Variants in NKAIN3 observed in about 807,000 individuals in gnomAD.
NKAIN3 encodes sodium/potassium-transporting ATPase subunit beta-1-interacting protein 3.
Under a neutral mutation model 30.2 loss-of-function variants are expected in NKAIN3, and 25 were observed. The observed-to-expected ratio is 0.83, with a 90% confidence interval of 0.60 to 1.16. NKAIN3 has a LOEUF of 1.16. NKAIN3 is among the 50% of genes most tolerant of loss of function. The pLI is 0.00. For synonymous variants in NKAIN3, 91 were observed against 89.6 expected (o/e 1.02, Z -0.09); for missense variants, 225 against 254.1 (o/e 0.89, Z 0.78).
At chr8:62,503,380 G>A (rs1179747526) in intron 1 of NKAIN3, among the ~76,000 whole-genome samples, 1 of 152,140 alleles carries the variant, frequency 6.6e-6, no homozygotes, top group Non-Finnish European at 1.5e-5. Flanking sequence ...TGCTTCTGAG[G>A]AAATAGGACC....
intron 4 of NKAIN3, among the ~76,000 whole-genome samples, chr8:62,914,760 T>C (rs373908650): frequency 2.0e-5 from 3 of 151,858 alleles, no homozygotes; most frequent in East Asian, 3.9e-4. Context: ...TTAAGTTTTT[T>C]GAGCAGTTAC....
intron 4 of NKAIN3, among the ~76,000 whole-genome samples, chr8:62,771,631 C>T (rs1057023358): frequency 6.6e-6 from 1 of 151,110 alleles, no homozygotes; most frequent in Non-Finnish European, 1.5e-5. Context: ...TGGCCCATAG[C>T]TTATCACATG....
intron 1 of NKAIN3, among the ~76,000 whole-genome samples, chr8:62,284,845 G>C (rs1813324415): frequency 6.6e-6 from 1 of 152,096 alleles, no homozygotes; most frequent in Admixed American, 6.6e-5. Context: ...AGGTGAACAA[G>C]AATTCCTGGG....
chr8:62,986,540 C>T (rs149502035), downstream of NKAIN3, among the ~76,000 whole-genome samples: 9 of 152,172 alleles, frequency 5.9e-5, no homozygotes, highest in East Asian at 1.9e-4. Context: ...ACATCAAGCA[C>T]GACACATATT....
chr8:62,764,760 A>T (rs1816779743), intron 4 of NKAIN3, among the ~76,000 whole-genome samples: 1 of 152,222 alleles, frequency 6.6e-6, no homozygotes, highest in South Asian at 2.1e-4. Flanking sequence ...CGTCTGCTTG[A>T]CAATGTCATA....
chr8:62,581,412 C>T (rs1810288832), intron 2 of NKAIN3, among the ~76,000 whole-genome samples: 1 of 152,150 alleles, frequency 6.6e-6, no homozygotes, highest in South Asian at 2.1e-4. Context: ...TAGATGGCTT[C>T]CAGAGAATGA....
intron 5 of NKAIN3, among the ~76,000 whole-genome samples, chr8:62,939,212 A>G: frequency 6.6e-6 from 1 of 152,226 alleles, no homozygotes; most frequent in East Asian, 1.9e-4. Flanking sequence ...CAAAGAAAAA[A>G]ATCAGAAAAA....
intron 3 of NKAIN3, among the ~76,000 whole-genome samples, chr8:62,738,456 G>A (rs1360571870): frequency 6.6e-6 from 1 of 151,800 alleles, no homozygotes; most frequent in African/African-American, 2.4e-5. Flanking sequence ...AAAATTAGCC[G>A]GGCATGGTGG....
intron 1 of NKAIN3, among the ~76,000 whole-genome samples, chr8:62,439,435 C>T (rs1805261724): frequency 6.6e-6 from 1 of 152,198 alleles, no homozygotes; most frequent in African/African-American, 2.4e-5. Flanking sequence ...CCAAATTTAG[C>T]AGGTGTTTGA....
chr8:62,506,232 G>GT (rs1417645409), intron 1 of NKAIN3, among the ~76,000 whole-genome samples: 3 of 147,690 alleles, frequency 2.0e-5, no homozygotes, highest in Non-Finnish European at 4.5e-5. Flanking sequence ...GAATATTGGG[G>GT]GGGGGGACAT....
chr8:62,876,470 C>A (rs1022575061), intron 4 of NKAIN3, among the ~76,000 whole-genome samples: 1 of 152,054 alleles, frequency 6.6e-6, no homozygotes, highest in African/African-American at 2.4e-5. Context: ...TGGGTATATA[C>A]CCAAAGTAAT....
intron 3 of NKAIN3, among the ~76,000 whole-genome samples, chr8:62,716,698 TATA>T: frequency 6.6e-6 from 1 of 151,362 alleles, no homozygotes; most frequent in East Asian, 1.9e-4. Context: ...CATTAATAGA[TATA>T]CAGAGTTTCT....
At chr8:62,259,087 G>A (rs1358742417) in intron 1 of NKAIN3, among the ~76,000 whole-genome samples, 2 of 152,128 alleles carry the variant, frequency 1.3e-5, no homozygotes, top group Admixed American at 6.5e-5. Flanking sequence ...CATGTTGAGA[G>A]TTGGCTGATT....
At chr8:62,890,951 A>T (rs1408260722) in intron 4 of NKAIN3, among the ~76,000 whole-genome samples, 3 of 152,186 alleles carry the variant, frequency 2.0e-5, no homozygotes, top group Non-Finnish European at 4.4e-5. Flanking sequence ...AGATGTCTGT[A>T]GTTTGCTGCA....
chr8:62,331,157 TC>T (rs796727794), intron 1 of NKAIN3, among the ~76,000 whole-genome samples: 13 of 135,796 alleles, frequency 9.6e-5, no homozygotes, highest in African/African-American at 5.4e-5. Context: ...CCCCTCTTCC[TC>T]CCCCCCAAAG....
intron 5 of NKAIN3, among the ~76,000 whole-genome samples, chr8:62,919,227 A>T (rs13258683): frequency 0.09 from 4,362 of 48,322 alleles, 355 homozygotes; most frequent in Middle Eastern, 0.15. Flanking sequence ...TACTTTCAAA[A>T]TTTTTTTTTT....
At chr8:62,434,760 G>T (rs150093368) in intron 1 of NKAIN3, among the ~76,000 whole-genome samples, 174 of 152,182 alleles carry the variant, frequency 1.1e-3, no homozygotes, top group African/African-American at 4.1e-3. Context: ...TGAAAAAAAT[G>T]GTTTCATAAT....
intron 3 of NKAIN3, among the ~76,000 whole-genome samples, chr8:62,607,823 A>T (rs1201539054): frequency 3.9e-5 from 6 of 152,262 alleles, no homozygotes; most frequent in African/African-American, 1.4e-4. Flanking sequence ...ATATTTAAAC[A>T]CCATGAAGTA....
At position 62,883,457 on chromosome 8, in the gene NKAIN3, G is replaced by GTTTTTTTTT. The variant is rs71559381; in HGVS notation, c.472-34988_472-34980dup. Among the ~76,000 whole-genome samples the GTTTTTTTTT allele has an allele frequency of 2.1e-3, 148 of 70,058 alleles. 3 individuals carry two copies. Among genetic ancestry groups the GTTTTTTTTT allele is most frequent in the Non-Finnish European group, 2.4e-3 (100 of 41,282 alleles). The allele number at this position is 70,058 out of a possible 152,430, so 46.0% of individuals were successfully genotyped here. Reference sequence around the variant, plus strand: ...TTTATTATTTCCAGGAGTTTTATGGGTTTTTTTTTTTTTTTTCAGATTTTC... The same window carrying GTTTTTTTTT: ...TTTATTATTTCCAGGAGTTTTATGGGTTTTTTTTTTTTTTTTTTTTTTTTTCAGATTTTC... On this transcript the variant is annotated intron_variant, in intron 4 of 6. Coordinates refer to ENST00000623646, the MANE Select transcript of NKAIN3 (RefSeq NM_001304533.3).
Sources: allele counts gnomAD v4.1 joint callset (sites outside exome capture counted in the v4.1 genomes callset), GRCh38; gene constraint gnomAD v4.1.1; transcripts MANE v1.5; gene names NCBI Gene and HGNC (gene_info 2026-07-23, HGNC 2026-07-21).